PCDHA8: variants seen among roughly 807,000 people sequenced by gnomAD.
PCDHA8 encodes protocadherin alpha 8.
PCDHA8 carries 53 observed loss-of-function variants against 61.8 expected under a neutral mutation model. The ratio of observed to expected loss-of-function variants is 0.86; its 90% CI spans 0.69 to 1.08. The LOEUF (loss-of-function observed/expected upper bound fraction) is 1.08, where lower values mean the gene tolerates loss of function less well. Ranked by LOEUF, PCDHA8 falls within the 50% of genes least tolerant of loss-of-function variation. The pLI is 0.00. For missense variants in PCDHA8, 1,293 were observed against 1,245.0 expected (o/e 1.04, Z -0.58); for synonymous variants, 618 against 556.6 (o/e 1.11, Z -1.55).
At chr5:140,911,338 A>G (rs1562979911) in intron 1 of PCDHA8, among the ~76,000 whole-genome samples, 1 of 152,040 alleles carries the variant, frequency 6.6e-6, no homozygotes, top group African/African-American at 2.4e-5. Context: ...TTTTCCAATC[A>G]ATGCCCTCAT....
chr5:140,996,799 T>C (rs1372599057), intron 3 of PCDHA8, among the ~76,000 whole-genome samples: 3 of 152,306 alleles, frequency 2.0e-5, no homozygotes, highest in African/African-American at 7.2e-5. Context: ...CTACATCCAA[T>C]CATGCTTTCC....
intron 1 of PCDHA8, chr5:140,928,032 T>C (rs369075554): frequency 6.2e-7 from 1 of 1,614,216 alleles, no homozygotes; most frequent in African/African-American, 1.3e-5. Flanking sequence ...GTGGCATGTC[T>C]AGTGCAGGCC....
chr5:140,879,012 T>C (rs2057811303), intron 1 of PCDHA8, among the ~76,000 whole-genome samples: 1 of 152,236 alleles, frequency 6.6e-6, no homozygotes, highest in African/African-American at 2.4e-5. Flanking sequence ...AGAAATCAGA[T>C]AATGTTTTAT....
chr5:140,909,575 G>A (rs114329297), intron 1 of PCDHA8, among the ~76,000 whole-genome samples: 373 of 152,290 alleles, frequency 2.4e-3, no homozygotes, highest in African/African-American at 8.5e-3. Context: ...CCAGAGATGT[G>A]ATATGTTTTT....
At chr5:140,971,419 G>A (rs1554233321) in intron 1 of PCDHA8, among the ~76,000 whole-genome samples, 1 of 152,140 alleles carries the variant, frequency 6.6e-6, no homozygotes. Context: ...TGGAAATCCA[G>A]TGAAGAACCC....
rs201902460 is a variant in PCDHA8 at position 140,856,564 on chromosome 5, T to G, written c.2394+12849T>G. 3.5e-5 allele frequency: 56 copies of G among 1,597,706 alleles called. 2 individuals are homozygous for G. The highest frequency in any genetic ancestry group is 8.8e-5 in the South Asian group (8 of 90,522). Reference sequence around the variant, plus strand: ...ACGCATTGCTTACTTACAAACTCAGTCCAAATGAGTATTTTGTTCTTGATA... The same window carrying G: ...ACGCATTGCTTACTTACAAACTCAGGCCAAATGAGTATTTTGTTCTTGATA... On this transcript the variant is annotated intron_variant, in intron 1 of 3. Transcript: ENST00000531613.
intron 1 of PCDHA8, among the ~76,000 whole-genome samples, chr5:140,904,555 C>A (rs1345633704): frequency 6.6e-6 from 1 of 151,632 alleles, no homozygotes. Flanking sequence ...CATATAATGA[C>A]TTTTTTTTCC....
intron 1 of PCDHA8, chr5:140,848,593 A>T: frequency 1.3e-6 from 2 of 1,593,964 alleles, no homozygotes; most frequent in Non-Finnish European, 1.7e-6. Context: ...CAGCTCCACT[A>T]CTCCGTCCCG....
At position 140,856,409 on chromosome 5, in the gene PCDHA8, G is replaced by A; in HGVS notation, c.2394+12694G>A. 1.3e-6 allele frequency: 2 copies of A among 1,598,530 alleles called. 1 individual carries two copies. Among genetic ancestry groups the A allele is most frequent in the Non-Finnish European group, 1.7e-6 (2 of 1,167,974 alleles). On this transcript the variant is annotated intron_variant, in intron 1 of 3. Coordinates refer to ENST00000531613, the MANE Select transcript of PCDHA8 (RefSeq NM_018911.3). ...GCTGCAGGTTTTCCATGTGGACGTG[G>A]AAGTGAAGGACATTAACGACAACCC...
At chr5:140,886,690 G>T (rs1321168089) in intron 1 of PCDHA8, among the ~76,000 whole-genome samples, 3 of 151,964 alleles carry the variant, frequency 2.0e-5, no homozygotes, top group African/African-American at 7.2e-5. Flanking sequence ...GCGAGGCATG[G>T]TGGCACGCGC....
chr5:140,946,327 G>C (rs2093929992), intron 1 of PCDHA8, among the ~76,000 whole-genome samples: 2 of 151,720 alleles, frequency 1.3e-5, no homozygotes, highest in Non-Finnish European at 3.0e-5. Flanking sequence ...AAAGAGGAAA[G>C]ATAACAAGTG....
In PCDHA8 at chr5:140,843,209, G is replaced by A; in HGVS notation, c.1888G>A (p.Glu630Lys). ...IPFRVGLYTG[E>K]ISTTRVLDEA... ...GTTCCGCGTGGGGCTGTACACGGGC[G>A]AGATCAGCACCACTCGTGTCCTGGA... The change falls in exon 1 of 4, where the codon GAG becomes AAG. Residue 630 changes from glutamate (E) to lysine (K), a missense_variant. Glu to Lys is a moderately conservative substitution (Grantham distance 56). Transcript: ENST00000531613. 1.3e-6 allele frequency: 2 copies of A among 1,596,078 alleles called. No individual in the cohort carries two copies. The highest frequency in any genetic ancestry group is 2.7e-5 in the African/African-American group (2 of 74,604).
chr5:140,958,677 G>C (rs917513084), intron 1 of PCDHA8, among the ~76,000 whole-genome samples: 3 of 152,090 alleles, frequency 2.0e-5, no homozygotes, highest in Non-Finnish European at 2.9e-5. Context: ...TAATTATAAA[G>C]GATATTGAAT....
chr5:140,857,296 G>A, intron 1 of PCDHA8: 1 of 1,598,680 alleles, frequency 6.3e-7, no homozygotes, highest in Non-Finnish European at 8.6e-7. Flanking sequence ...ACCGCGAGAG[G>A]GTGTCGGCCT....
intron 1 of PCDHA8, chr5:140,928,845 T>C: frequency 6.2e-7 from 1 of 1,614,180 alleles, no homozygotes; most frequent in Non-Finnish European, 8.5e-7. Flanking sequence ...CCTCTGTCAC[T>C]CTGGGTGTGC....
intron 1 of PCDHA8, chr5:140,870,613 T>C (rs1562647895): frequency 1.2e-6 from 2 of 1,613,078 alleles, no homozygotes; most frequent in Non-Finnish European, 1.7e-6. Flanking sequence ...CCGCGCGCTG[T>C]CGAGCTACGT....
chr5:140,952,338 C>CA (rs55931446), intron 1 of PCDHA8, among the ~76,000 whole-genome samples: 315 of 135,024 alleles, frequency 2.3e-3, no homozygotes, highest in East Asian at 0.011. Context: ...AACTCCATCT[C>CA]AAAAAAAAAA....
chr5:140,904,826 T>C (rs1251990612), intron 1 of PCDHA8, among the ~76,000 whole-genome samples: 1 of 152,206 alleles, frequency 6.6e-6, no homozygotes. Flanking sequence ...GAGCATTTTT[T>C]TATATGTTTC....
Position 140,842,623 on chromosome 5 carries a change from G to T in PCDHA8, c.1302G>T (p.Ser434=). The part of the protein sequence containing the change: ...VVTARDGGSP[S]LWATASLSVE... ...CCGCGCGGGACGGGGGCTCGCCTTC[G>T]CTGTGGGCCACCGCCAGCTTGTCTG... The change falls in exon 1 of 4, where the codon TCG becomes TCT. Residue 434 remains serine (S), a synonymous_variant. Transcript: ENST00000531613. 2 of 1,579,148 alleles carry T rather than the reference G, an allele frequency of 1.3e-6. No homozygotes were observed. The highest frequency in any genetic ancestry group is 1.7e-6 in the Non-Finnish European group (2 of 1,156,394).
Sources: allele counts gnomAD v4.1 joint callset (sites outside exome capture counted in the v4.1 genomes callset), GRCh38; gene constraint gnomAD v4.1.1; transcripts MANE v1.5; gene names NCBI Gene and HGNC (gene_info 2026-07-23, HGNC 2026-07-21).